ROBO2: variants seen among roughly 807,000 people sequenced by gnomAD.
ROBO2 encodes the protein roundabout homolog 2.
Under a neutral mutation model 160.8 loss-of-function variants are expected in ROBO2, and 53 were observed. The observed-to-expected ratio is 0.33, with a 90% CI of 0.26 to 0.41. The LOEUF (loss-of-function observed/expected upper bound fraction) is 0.41. Among genes scored for constraint, ROBO2 ranks in the 10% least tolerant of loss-of-function variants. The pLI is 1.00. For synonymous variants in ROBO2, 664 were observed against 611.7 expected, an observed-to-expected ratio of 1.09 and a Z score of -1.26; for missense variants, 1,577 against 1,722.4, an observed-to-expected ratio of 0.92 and a Z score of 1.49.
intron 2 of ROBO2, among the ~76,000 whole-genome samples, chr3:77,354,649 C>A (rs1185424882): frequency 6.6e-6 from 1 of 152,076 alleles, no homozygotes; most frequent in Non-Finnish European, 1.5e-5. Context: ...GAATCAGAAT[C>A]CCTGGAAACA....
intron 2 of ROBO2, among the ~76,000 whole-genome samples, chr3:77,295,813 C>G (rs1191713406): frequency 2.1e-5 from 3 of 146,192 alleles, no homozygotes; most frequent in African/African-American, 5.1e-5. Context: ...GGCTAGAGCA[C>G]TAAAGACATA....
At chr3:75,948,343 A>G (rs1948399926) in intron 2 of ROBO2, among the ~76,000 whole-genome samples, 6 of 152,120 alleles carry the variant, frequency 3.9e-5, no homozygotes, top group Non-Finnish European at 8.8e-5. Context: ...AGGGCTGGAA[A>G]AAAACATCAA....
exon 4 of ROBO2, chr3:77,481,156 A>G (rs2084645241): frequency 6.2e-7 from 1 of 1,611,048 alleles, no homozygotes; most frequent in Non-Finnish European, 8.5e-7. Flanking sequence ...AGGGATGTAT[A>G]CTTGTGTTGG....
intron 2 of ROBO2, among the ~76,000 whole-genome samples, chr3:76,043,521 A>G (rs1227042651): frequency 6.7e-6 from 1 of 150,074 alleles, no homozygotes; most frequent in Non-Finnish European, 1.5e-5. Flanking sequence ...CCATGGCTGG[A>G]GAAGACCTAA....
intron 2 of ROBO2, among the ~76,000 whole-genome samples, chr3:76,534,707 AG>A (rs989447637): frequency 6.6e-6 from 1 of 152,114 alleles, no homozygotes; most frequent in Non-Finnish European, 1.5e-5. Context: ...AACCCAAACC[AG>A]GAGATACTTA....
chr3:77,589,230 AC>A (rs2094126754), intron 17 of ROBO2, among the ~76,000 whole-genome samples: 1 of 152,142 alleles, frequency 6.6e-6, no homozygotes, highest in Non-Finnish European at 1.5e-5. Flanking sequence ...AAACACACAC[AC>A]ACACACACAT....
chr3:77,107,576 A>C (rs531143994), intron 2 of ROBO2, among the ~76,000 whole-genome samples: 24 of 152,340 alleles, frequency 1.6e-4, no homozygotes, highest in African/African-American at 5.8e-4. Context: ...ACATAGTATT[A>C]GGTATTATAA....
At position 77,219,050 on chromosome 3, in the gene ROBO2, C is replaced by T. The variant is rs553041851; in HGVS notation, c.388+120710C>T. 2.0e-5 allele frequency among the ~76,000 whole-genome samples: 3 copies of T among 152,148 alleles called. No homozygotes were observed. In the East Asian group the frequency reaches 5.9e-4, roughly 30 times the overall value. On this transcript the variant is annotated intron_variant, in intron 2 of 25. Coordinates refer to ENST00000461745, the Ensembl canonical transcript of ROBO2. ...GTGGTGCAATCTCCGCTCACTGCAA[C>T]CTTTGCCTTCTGGGTTCAAGTGATT...
chr3:77,121,245 A>G (rs1370277873), intron 2 of ROBO2, among the ~76,000 whole-genome samples: 1 of 152,092 alleles, frequency 6.6e-6, no homozygotes, highest in Non-Finnish European at 1.5e-5. Flanking sequence ...GAGCCCAGCC[A>G]AAGTATTATT....
At chr3:77,054,679 G>C (rs2065548609) in intron 1 of ROBO2, among the ~76,000 whole-genome samples, 1 of 152,126 alleles carries the variant, frequency 6.6e-6, no homozygotes, top group Non-Finnish European at 1.5e-5. Flanking sequence ...TGATGTAAGA[G>C]AGTGATAGAA....
intron 2 of ROBO2, among the ~76,000 whole-genome samples, chr3:76,806,793 T>C (rs1372989448): frequency 6.6e-6 from 1 of 152,026 alleles, no homozygotes; most frequent in African/African-American, 2.4e-5. Context: ...GACACAGATA[T>C]ACGTATACAT....
At chr3:76,347,415 C>T (rs554120761) in intron 2 of ROBO2, among the ~76,000 whole-genome samples, 1 of 151,954 alleles carries the variant, frequency 6.6e-6, no homozygotes, top group African/African-American at 2.4e-5. Flanking sequence ...AGTGTGTGTG[C>T]ATTTTTAGGT....
chr3:77,606,094 C>A (rs2094521255), intron 20 of ROBO2, among the ~76,000 whole-genome samples: 1 of 152,088 alleles, frequency 6.6e-6, no homozygotes, highest in Non-Finnish European at 1.5e-5. Context: ...TATATTCAAG[C>A]AAGTTTATTG....
In ROBO2 at chr3:77,377,694, A is replaced by G. The variant is rs116147280; in HGVS notation, c.389-99720A>G. On this transcript the variant is annotated intron_variant, in intron 2 of 25. Coordinates refer to ENST00000461745, the Ensembl canonical transcript of ROBO2. ...TGTACCATGTTGTTAAAGTGACTGA[A>G]GGTTATTGACTTACTGCAATAGGAG... Among the ~76,000 whole-genome samples the G allele has an allele frequency of 2.5e-3, 380 of 152,328 alleles. 2 individuals carry two copies. Among genetic ancestry groups the G allele is most frequent in the African/African-American group, 8.8e-3 (366 of 41,570 alleles).
intron 2 of ROBO2, among the ~76,000 whole-genome samples, chr3:75,948,069 A>C (rs748384612): frequency 2.0e-5 from 3 of 152,106 alleles, no homozygotes; most frequent in Non-Finnish European, 4.4e-5. Context: ...ATTGCAAATA[A>C]TAAAATGAAG....
intron 2 of ROBO2, among the ~76,000 whole-genome samples, chr3:76,968,737 A>G (rs568997741): frequency 6.6e-6 from 1 of 152,186 alleles, no homozygotes; most frequent in Non-Finnish European, 1.5e-5. Context: ...TGTTTGCCAG[A>G]AAACCATCAT....
chr3:76,318,712 A>G (rs1241160676), intron 2 of ROBO2, among the ~76,000 whole-genome samples: 1 of 152,272 alleles, frequency 6.6e-6, no homozygotes, highest in East Asian at 1.9e-4. Context: ...CATGGCTAAT[A>G]TTAGGTCTTA....
chr3:76,097,839 T>C (rs563958695), intron 2 of ROBO2, among the ~76,000 whole-genome samples: 2 of 152,242 alleles, frequency 1.3e-5, no homozygotes, highest in East Asian at 3.9e-4. Context: ...AAAAAATGAA[T>C]GAATAAGAGG....
In ROBO2 at chr3:77,539,175, C is replaced by A. The variant is rs539173506; in HGVS notation, c.935-7163C>A. On this transcript the variant is annotated intron_variant, in intron 6 of 25. Coordinates refer to ENST00000461745, the Ensembl canonical transcript of ROBO2. ...GCTCAGACAATCCACCCGCCTCGGC[C>A]TCCCAAAGTGGTAGAATTACAGGAG... 6.6e-5 allele frequency among the ~76,000 whole-genome samples: 10 copies of A among 152,310 alleles called. No homozygotes were observed. In the South Asian group the frequency reaches 2.1e-3, roughly 32 times the overall value.
Sources: gnomAD v4.1 joint callset for allele counts (sites outside exome capture counted in the v4.1 genomes callset) on GRCh38, gnomAD v4.1.1 for gene constraint, MANE v1.5 for transcripts, NCBI Gene and HGNC (gene_info 2026-07-23, HGNC 2026-07-21) for gene names.